GPD2: variants seen among roughly 807,000 people sequenced by gnomAD.
GPD2 encodes the protein glycerol-3-phosphate dehydrogenase 2.
A neutral mutation model predicts 82.4 loss-of-function variants in GPD2; 54 were observed. That is an observed-to-expected ratio of 0.66 (90% CI 0.53 to 0.82). The LOEUF (loss-of-function observed/expected upper bound fraction) is 0.82, where lower values mean the gene tolerates loss of function less well. Among genes scored for constraint, GPD2 ranks in the 40% least tolerant of loss-of-function variants. GPD2 has a pLI of 0.00. For missense variants in GPD2, 748 were observed against 896.2 expected (o/e 0.83, Z 2.11); for synonymous variants, 288 against 306.1 (o/e 0.94, Z 0.62).
In GPD2 at chr2:156,586,307, G is replaced by T. The variant is rs1688212767; in HGVS notation, c.*3389G>T. 1 of 152,196 alleles carries T rather than the reference G, an allele frequency of 6.6e-6. No individual in the cohort carries two copies. The highest frequency in any genetic ancestry group is 1.5e-5 in the Non-Finnish European group (1 of 67,944). The allele number at this position is 152,196 out of a possible 1,614,324, so 9.4% of individuals were successfully genotyped here. ...TAGATGTAATTTTATAAGACTGCCA[G>T]AATTATTTGTATTAATTTGTTGCTG... On this transcript the variant is annotated 3_prime_UTR_variant, in exon 17 of 17. Transcript: ENST00000438166.
intron 2 of GPD2, among the ~76,000 whole-genome samples, chr2:156,493,060 C>T (rs1396889455): frequency 6.6e-6 from 1 of 152,132 alleles, no homozygotes; most frequent in African/African-American, 2.4e-5. Flanking sequence ...GATTTTCTCT[C>T]TCTCTCTTAC....
chr2:156,566,368 G>A (rs1042791252), intron 9 of GPD2, among the ~76,000 whole-genome samples: 2 of 151,958 alleles, frequency 1.3e-5, no homozygotes, highest in Non-Finnish European at 2.9e-5. Flanking sequence ...CCATTCAATA[G>A]TAACTCTTAT....
chr2:156,560,874 A>G (rs1381601014), intron 9 of GPD2, among the ~76,000 whole-genome samples: 1 of 152,028 alleles, frequency 6.6e-6, no homozygotes, highest in Admixed American at 6.5e-5. Context: ...TTATAGTTAT[A>G]TGCCTCATTT....
chr2:156,458,574 T>G (rs1682865216), intron 1 of GPD2, among the ~76,000 whole-genome samples: 1 of 152,244 alleles, frequency 6.6e-6, no homozygotes, highest in Non-Finnish European at 1.5e-5. Context: ...CATTTTCCAG[T>G]TCTTACTCAA....
intron 2 of GPD2, among the ~76,000 whole-genome samples, chr2:156,480,397 C>G (rs886796831): frequency 2.0e-5 from 3 of 151,342 alleles, no homozygotes; most frequent in Non-Finnish European, 2.9e-5. Flanking sequence ...CTACCCTAGT[C>G]TTTTTTCTTT....
intron 9 of GPD2, among the ~76,000 whole-genome samples, chr2:156,566,813 C>G (rs760676935): frequency 2.6e-5 from 4 of 152,090 alleles, no homozygotes; most frequent in African/African-American, 4.8e-5. Flanking sequence ...ATTTTACCTT[C>G]TAACCAGCAG....
the GPD2 span, among the ~76,000 whole-genome samples, chr2:156,403,044 G>A: frequency 6.9e-6 from 1 of 144,264 alleles, no homozygotes; most frequent in Non-Finnish European, 1.5e-5. Flanking sequence ...GAAGGCCTGA[G>A]GTCAAAGCTG....
At chr2:156,415,156 C>CTTTTTT in the GPD2 span, among the ~76,000 whole-genome samples, 3 of 114,610 alleles carry the variant, frequency 2.6e-5, no homozygotes, top group Admixed American at 1.0e-4. Context: ...TTGTATCATT[C>CTTTTTT]TTTTTTTTTT....
Position 156,582,892 on chromosome 2 carries a change from G to A in GPD2, c.2158G>A (p.Val720Met). The A allele has an allele frequency of 6.2e-7, 1 of 1,613,106 alleles. No individual in the cohort carries two copies. Among genetic ancestry groups the A allele is most frequent in the Non-Finnish European group, 8.5e-7 (1 of 1,179,248 alleles). Residue 720 changes from valine (V) to methionine (M), a missense_variant, in exon 17 of 17, where the codon GTG becomes ATG. This residue lies in a region of GPD2 where 46 missense variants were observed against 49.1 expected (regional missense o/e 0.94). Coordinates refer to ENST00000438166, the MANE Select transcript of GPD2 (RefSeq NM_000408.5). Reference protein sequence around the residue: ...ENLDRRVPIPVDRSCGGL With the variant: ...ENLDRRVPIPMDRSCGGL ...CCTCGACAGAAGAGTTCCAATTCCA[G>A]TGGACCGTAGTTGTGGAGGATTGTG... is the stretch of plus-strand genomic sequence containing the variant.
chr2:156,438,707 G>T (rs1256267862), intron 1 of GPD2, among the ~76,000 whole-genome samples: 1 of 152,176 alleles, frequency 6.6e-6, no homozygotes, highest in Non-Finnish European at 1.5e-5. Flanking sequence ...TCAGAAAGAG[G>T]ACTAGAAATC....
chr2:156,456,180 A>G (rs990046169), intron 1 of GPD2, among the ~76,000 whole-genome samples: 1 of 152,238 alleles, frequency 6.6e-6, no homozygotes, highest in African/African-American at 2.4e-5. Context: ...CACCAAAGAA[A>G]TGCAAACAAA....
rs374100828 is a variant in GPD2, at chr2:156,557,379, T to C, written c.972-10T>C. The C allele has an allele frequency of 1.2e-5, 18 of 1,541,180 alleles. No homozygotes were observed. The highest frequency in any genetic ancestry group is 1.6e-5 in the Non-Finnish European group (18 of 1,114,548). On this transcript the variant is annotated splice_polypyrimidine_tract_variant and intron_variant, in intron 8 of 16. Transcript: ENST00000438166. ...TTTTCAGAAATAAATAATCCTTCTT[T>C]GTATCTCAGCCCAGAGAGCATGGGA...
chr2:156,517,257 C>G (rs1685233585), intron 6 of GPD2, among the ~76,000 whole-genome samples: 1 of 152,138 alleles, frequency 6.6e-6, no homozygotes, highest in African/African-American at 2.4e-5. Context: ...TTCATCTGGC[C>G]CTTCATACTT....
At chr2:156,558,764 A>ATTTTTTTT (rs1303800908) in intron 9 of GPD2, among the ~76,000 whole-genome samples, 1 of 72,156 alleles carries the variant, frequency 1.4e-5, no homozygotes, top group Admixed American at 1.4e-4. Context: ...CGCCCAGCTA[A>ATTTTTTTT]CTTTTTTTTT....
intron 1 of GPD2, among the ~76,000 whole-genome samples, chr2:156,443,412 G>A (rs1461090945): frequency 1.3e-5 from 2 of 152,132 alleles, no homozygotes; most frequent in African/African-American, 2.4e-5. Context: ...ATTAATGGTT[G>A]CCCCATAATT....
chr2:156,491,111 C>G (rs1380768851), intron 2 of GPD2, among the ~76,000 whole-genome samples: 1 of 152,184 alleles, frequency 6.6e-6, no homozygotes, highest in Non-Finnish European at 1.5e-5. Flanking sequence ...CCTTGTACCC[C>G]CATTCCCAGA....
chr2:156,554,638 C>T (rs897019306), intron 8 of GPD2, among the ~76,000 whole-genome samples: 3 of 152,068 alleles, frequency 2.0e-5, no homozygotes, highest in African/African-American at 7.2e-5. Context: ...TAAAGCTGCT[C>T]TTTATATTAA....
intron 1 of GPD2, among the ~76,000 whole-genome samples, chr2:156,451,571 AC>A (rs1242096916): frequency 2.6e-5 from 3 of 116,728 alleles, no homozygotes; most frequent in African/African-American, 3.2e-5. Context: ...CGGGGGTCTG[AC>A]CCCCCCACCT....
At chr2:156,581,445 A>G (rs1013533250) in intron 16 of GPD2, among the ~76,000 whole-genome samples, 1 of 152,154 alleles carries the variant, frequency 6.6e-6, no homozygotes, top group African/African-American at 2.4e-5. Context: ...TAGCTCTGAT[A>G]AACTTTGCAG....
Sources: allele counts gnomAD v4.1 joint callset (sites outside exome capture counted in the v4.1 genomes callset), GRCh38; gene constraint gnomAD v4.1.1; regional missense constraint gnomAD v4.1.1; transcripts MANE v1.5; gene names NCBI Gene and HGNC (gene_info 2026-07-23, HGNC 2026-07-21).